The following DPP6 variants were observed in gnomAD, a reference collection of about 807,000 sequenced individuals.
The protein encoded by DPP6 is dipeptidyl peptidase like 6.
DPP6 carries 69 observed loss-of-function variants against 122.6 expected under a neutral mutation model. The ratio of observed to expected loss-of-function variants is 0.56; its 90% CI spans 0.46 to 0.69. The LOEUF (loss-of-function observed/expected upper bound fraction) is 0.69. Among genes scored for constraint, DPP6 ranks in the 30% least tolerant of loss-of-function variants. The pLI is 0.00. For missense variants in DPP6, 928 were observed against 1,116.9 expected (o/e 0.83, Z 2.41); for synonymous variants, 418 against 433.1 (o/e 0.97, Z 0.43).
chr7:154,081,682 G>GT (rs1278625542), intron 1 of DPP6, among the ~76,000 whole-genome samples: 1 of 149,742 alleles, frequency 6.7e-6, no homozygotes, highest in Non-Finnish European at 1.5e-5. Context: ...GTAATAGCTT[G>GT]TTACTACCTG....
chr7:153,811,158 G>A, the DPP6 span, among the ~76,000 whole-genome samples: 1 of 152,170 alleles, frequency 6.6e-6, no homozygotes, highest in African/African-American at 2.4e-5. Flanking sequence ...CCCATGAGAG[G>A]GAAGGCTGTG....
chr7:154,811,461 TG>T (rs1799055659), intron 16 of DPP6, among the ~76,000 whole-genome samples: 1 of 152,202 alleles, frequency 6.6e-6, no homozygotes, highest in African/African-American at 2.4e-5. Context: ...GGCATTTTGC[TG>T]GAGGAGAAGA....
At chr7:154,587,741 A>T in intron 5 of DPP6, 1 of 1,571,732 alleles carries the variant, frequency 6.4e-7, no homozygotes, top group South Asian at 1.2e-5. Flanking sequence ...CCAGCTTGTC[A>T]CCAGGGCTGT....
chr7:154,555,600 A>G (rs1418402413), intron 4 of DPP6, among the ~76,000 whole-genome samples: 1 of 152,138 alleles, frequency 6.6e-6, no homozygotes, highest in Non-Finnish European at 1.5e-5. Flanking sequence ...CATGTACCCT[A>G]AAACTTAAAG....
chr7:153,755,061 T>C, the DPP6 span, among the ~76,000 whole-genome samples: 1 of 126,420 alleles, frequency 7.9e-6, no homozygotes, highest in Non-Finnish European at 1.8e-5. Context: ...CAGTTTAAAA[T>C]GTCCTTGTAT....
At chr7:154,374,811 C>A (rs1345029856) in intron 1 of DPP6, among the ~76,000 whole-genome samples, 5 of 152,020 alleles carry the variant, frequency 3.3e-5, no homozygotes, top group African/African-American at 1.2e-4. Context: ...GGGGTTTCAC[C>A]ATGTTGGCCA....
intron 1 of DPP6, among the ~76,000 whole-genome samples, chr7:153,974,698 T>C (rs1250648805): frequency 1.3e-5 from 2 of 152,222 alleles, no homozygotes; most frequent in East Asian, 1.9e-4. Context: ...TTGAACATTC[T>C]GTCCTTTGTT....
chr7:153,880,692 A>C, the DPP6 span, among the ~76,000 whole-genome samples: 7 of 152,306 alleles, frequency 4.6e-5, no homozygotes, highest in African/African-American at 1.4e-4. Flanking sequence ...CACAGAGACA[A>C]GTATGTGGGG....
chr7:154,693,138 CTT>C (rs563701318), intron 7 of DPP6, among the ~76,000 whole-genome samples: 279 of 152,058 alleles, frequency 1.8e-3, no homozygotes, highest in African/African-American at 6.3e-3. Context: ...GACCAGAGGT[CTT>C]TTTAAGGATT....
At chr7:154,639,528 C>T (rs535533487) in intron 6 of DPP6, among the ~76,000 whole-genome samples, 44 of 152,224 alleles carry the variant, frequency 2.9e-4, no homozygotes, top group Non-Finnish European at 5.7e-4. Flanking sequence ...TTGTAAAACT[C>T]GAAACTCTAA....
chr7:154,060,029 C>T (rs1340444937), intron 1 of DPP6, among the ~76,000 whole-genome samples: 25 of 150,294 alleles, frequency 1.7e-4, no homozygotes, highest in Non-Finnish European at 2.4e-4. Context: ...AGGCACCCCC[C>T]GCGAGGCGGG....
chr7:154,779,985 C>G (rs1352030225), intron 10 of DPP6, among the ~76,000 whole-genome samples: 1 of 152,200 alleles, frequency 6.6e-6, no homozygotes, highest in Non-Finnish European at 1.5e-5. Context: ...CACCTGTAGT[C>G]CTATCTCTGT....
chr7:154,635,902 G>A (rs949460526), intron 5 of DPP6, among the ~76,000 whole-genome samples: 14 of 152,250 alleles, frequency 9.2e-5, no homozygotes, highest in South Asian at 8.3e-4. Flanking sequence ...AGGAAGCCAC[G>A]ATACCTCTTA....
At chr7:154,096,938 G>C (rs1805362982) in intron 1 of DPP6, among the ~76,000 whole-genome samples, 1 of 152,224 alleles carries the variant, frequency 6.6e-6, no homozygotes, top group South Asian at 2.1e-4. Context: ...TAGCAAGGCT[G>C]GCTCAAGAAA....
chr7:154,791,731 G>A (rs1054628789), intron 10 of DPP6, among the ~76,000 whole-genome samples: 1 of 152,168 alleles, frequency 6.6e-6, no homozygotes, highest in African/African-American at 2.4e-5. Context: ...GTGTGTCCAC[G>A]TTTTGTGGCC....
At chr7:154,442,571 A>G (rs1412030509) in intron 1 of DPP6, among the ~76,000 whole-genome samples, 1 of 152,180 alleles carries the variant, frequency 6.6e-6, no homozygotes, top group Non-Finnish European at 1.5e-5. Flanking sequence ...GACTTGCTCC[A>G]GGAACAATAG....
chr7:154,271,747 C>T (rs921647548), intron 1 of DPP6, among the ~76,000 whole-genome samples: 6 of 152,150 alleles, frequency 3.9e-5, no homozygotes, highest in Non-Finnish European at 1.5e-5. Context: ...CATCAGGCTG[C>T]CACTCTCATC....
At chr7:153,933,877 G>T (rs77308137) in intron 1 of DPP6, among the ~76,000 whole-genome samples, 10,087 of 152,260 alleles carry the variant, frequency 0.066, 351 homozygotes, top group African/African-American at 0.086. Context: ...GCCACAGCCT[G>T]CAGGCCGAGC....
In DPP6 at chr7:154,853,847, C is replaced by G; in HGVS notation, c.1714+20C>G. On this transcript the variant is annotated intron_variant, in intron 17 of 25. Coordinates refer to ENST00000377770, the MANE Select transcript of DPP6 (RefSeq NM_130797.4). The stretch of plus-strand genomic sequence containing the variant: ...AGAAAAGTAAGTGCTCTTTTTTTTC[C>G]TTAAATCTTCCTGAGACTCAGGAGA... 6.2e-7 allele frequency: 1 copy of G among 1,612,460 alleles called. No homozygotes were observed. Among genetic ancestry groups the G allele is most frequent in the Non-Finnish European group, 8.5e-7 (1 of 1,179,506 alleles).
Sources: allele counts gnomAD v4.1 joint callset (sites outside exome capture counted in the v4.1 genomes callset), GRCh38; gene constraint gnomAD v4.1.1; transcripts MANE v1.5; gene names NCBI Gene and HGNC (gene_info 2026-07-23, HGNC 2026-07-21).